The following FAM135B variants were observed in gnomAD, a reference collection of about 807,000 sequenced individuals.
FAM135B encodes protein FAM135B.
In FAM135B, 43 loss-of-function variants were observed where a neutral mutation model predicts 127.7. The ratio of observed to expected loss-of-function variants is 0.34; its 90% CI spans 0.26 to 0.43. The LOEUF is 0.43. Among genes scored for constraint, FAM135B ranks in the 20% least tolerant of loss-of-function variants. The pLI is 1.00. For synonymous variants in FAM135B, 670 were observed against 665.1 expected, an observed-to-expected ratio of 1.01 and a Z score of -0.11; for missense variants, 1,558 against 1,725.6, an observed-to-expected ratio of 0.90 and a Z score of 1.72.
chr8:138,255,011 G>C (rs1821966670), intron 5 of FAM135B, among the ~76,000 whole-genome samples: 2 of 149,342 alleles, frequency 1.3e-5, no homozygotes, highest in Admixed American at 1.4e-4. Flanking sequence ...AAGAAGTTCT[G>C]AGAAGAAATC....
chr8:138,138,729 G>C (rs1816870357), intron 18 of FAM135B, among the ~76,000 whole-genome samples: 1 of 152,252 alleles, frequency 6.6e-6, no homozygotes, highest in Admixed American at 6.5e-5. Flanking sequence ...CAAAGTGGAA[G>C]CTACAGCTTC....
chr8:138,434,871 T>C (rs1373723512), intron 1 of FAM135B, among the ~76,000 whole-genome samples: 1 of 152,196 alleles, frequency 6.6e-6, no homozygotes, highest in Admixed American at 6.5e-5. Flanking sequence ...CCAGTCAGAT[T>C]GGACACCTCT....
Position 138,240,847 on chromosome 8 carries a change from C to T in FAM135B, c.669+2095G>A, listed in dbSNP as rs368513113. Among the ~76,000 whole-genome samples the T allele has an allele frequency of 8.5e-5, 13 of 152,272 alleles. No individual in the cohort carries two copies. In the East Asian group the frequency reaches 1.9e-3, roughly 23 times the overall value. On this transcript the variant is annotated intron_variant, in intron 7 of 19. Transcript: ENST00000395297. ...CCTCCTGTGGCAGCCTCAGCAAAGG[C>T]CCTTGGCTTGGGAGATGAGTGTTGA...
rs148076773 is a variant in FAM135B, at chr8:138,204,535, C to G, written c.670-6866G>C. On this transcript the variant is annotated intron_variant, in intron 7 of 19. Coordinates refer to ENST00000395297, the MANE Select transcript of FAM135B (RefSeq NM_015912.4). ...ATGAATGAGTGAGTCATAGCATCCTCTACAGGGCACTGCAATGGCACGACA... is the reference window on the plus strand; with the variant it reads ...ATGAATGAGTGAGTCATAGCATCCTGTACAGGGCACTGCAATGGCACGACA... Among the ~76,000 whole-genome samples the G allele has an allele frequency of 3.8e-3, 572 of 152,332 alleles. 1 individual carries two copies. The highest frequency in any genetic ancestry group is 5.5e-3 in the Non-Finnish European group (374 of 68,038).
chr8:138,174,983 A>C (rs1273548227), intron 11 of FAM135B, among the ~76,000 whole-genome samples: 1 of 152,236 alleles, frequency 6.6e-6, no homozygotes, highest in Admixed American at 6.5e-5. Flanking sequence ...TAACTAACAC[A>C]GTCAACACTA....
chr8:138,297,895 C>T (rs17721326), intron 3 of FAM135B, among the ~76,000 whole-genome samples: 42,467 of 152,126 alleles, frequency 0.28, 6,046 homozygotes, highest in South Asian at 0.39. Context: ...CATTTATCAA[C>T]AGAGCGAATT....
chr8:138,135,354 G>A (rs1380467012), intron 19 of FAM135B, among the ~76,000 whole-genome samples: 1 of 152,150 alleles, frequency 6.6e-6, no homozygotes, highest in East Asian at 1.9e-4. Context: ...AGTCTGAACT[G>A]AAAACCAGAT....
At chr8:138,183,327 G>C (rs927835241) in intron 9 of FAM135B, among the ~76,000 whole-genome samples, 1 of 152,142 alleles carries the variant, frequency 6.6e-6, no homozygotes, top group East Asian at 1.9e-4. Flanking sequence ...CAAGATTACA[G>C]ATAGTAAGTG....
chr8:138,273,851 T>A (rs968437001), intron 3 of FAM135B, among the ~76,000 whole-genome samples: 1 of 152,078 alleles, frequency 6.6e-6, no homozygotes, highest in Non-Finnish European at 1.5e-5. Context: ...GTCCCAATTA[T>A]TTTCTCCGTT....
chr8:138,437,342 C>G (rs1395338948), intron 1 of FAM135B: 2 of 152,266 alleles, frequency 1.3e-5, no homozygotes, highest in East Asian at 1.9e-4. Context: ...ATGGAAGGAA[C>G]CTGGTGGGAG....
intron 14 of FAM135B, among the ~76,000 whole-genome samples, chr8:138,148,117 A>T (rs1411466163): frequency 6.6e-6 from 1 of 152,200 alleles, no homozygotes; most frequent in East Asian, 1.9e-4. Flanking sequence ...AATTCCATGA[A>T]TTCATGGATT....
chr8:138,139,571 G>A (rs923096310), intron 17 of FAM135B, among the ~76,000 whole-genome samples: 3 of 152,242 alleles, frequency 2.0e-5, no homozygotes, highest in East Asian at 3.9e-4. Flanking sequence ...TCAGGAGTTC[G>A]AGACCAGCCT....
At chr8:138,336,270 A>G (rs990956663) in intron 2 of FAM135B, among the ~76,000 whole-genome samples, 7 of 152,222 alleles carry the variant, frequency 4.6e-5, no homozygotes, top group African/African-American at 1.7e-4. Context: ...GCAGAACTGA[A>G]GGAAATAGAG....
intron 6 of FAM135B, among the ~76,000 whole-genome samples, chr8:138,246,040 G>C (rs186531711): frequency 6.6e-6 from 1 of 152,190 alleles, no homozygotes; most frequent in Non-Finnish European, 1.5e-5. Context: ...CCCTTCCCTA[G>C]AGATCTGTGG....
chr8:138,374,959 C>T (rs1831367800), intron 1 of FAM135B, among the ~76,000 whole-genome samples: 1 of 151,660 alleles, frequency 6.6e-6, no homozygotes, highest in African/African-American at 2.4e-5. Context: ...AAGAACTTCC[C>T]ACAAAAGAAC....
intron 2 of FAM135B, among the ~76,000 whole-genome samples, chr8:138,358,061 C>T (rs944751441): frequency 6.6e-6 from 1 of 152,082 alleles, no homozygotes; most frequent in Admixed American, 6.6e-5. Flanking sequence ...GTACATCTTA[C>T]CTGGCAGCAG....
intron 8 of FAM135B, among the ~76,000 whole-genome samples, chr8:138,195,649 CACACACACAA>C (rs1816560087): frequency 6.6e-6 from 1 of 152,072 alleles, no homozygotes; most frequent in South Asian, 2.1e-4. Flanking sequence ...CACACACACA[CACACACACAA>C]ACACACACAC....
rs534970013 is a variant in FAM135B at position 138,378,721 on chromosome 8, C to G, written c.-19-10719G>C. Among the ~76,000 whole-genome samples the G allele has an allele frequency of 2.9e-4, 44 of 151,398 alleles. 1 individual carries two copies. Among genetic ancestry groups the G allele is most frequent in the Non-Finnish European group, 5.9e-5 (4 of 67,952 alleles). On this transcript the variant is annotated intron_variant, in intron 1 of 19. Coordinates refer to ENST00000395297, the MANE Select transcript of FAM135B (RefSeq NM_015912.4). ...CCTTCAATATAGAAATCAAAACCGG[C>G]TGTGTATGTTTGCTTTTTTTTTTTC...
chr8:138,425,964 C>CAT (rs11271386), intron 1 of FAM135B, among the ~76,000 whole-genome samples: 1,260 of 109,348 alleles, frequency 0.012, 9 homozygotes, highest in Middle Eastern at 0.018. Flanking sequence ...GCCAGGCCAA[C>CAT]ATATATATAT....
Sources: gnomAD v4.1 joint callset for allele counts (sites outside exome capture counted in the v4.1 genomes callset) on GRCh38, gnomAD v4.1.1 for gene constraint, MANE v1.5 for transcripts, NCBI Gene and HGNC (gene_info 2026-07-23, HGNC 2026-07-21) for gene names.